Variants in AHCYL2 observed in about 807,000 individuals in gnomAD.
The protein encoded by AHCYL2 is S-adenosylhomocysteine hydrolase-like protein 2.
A neutral mutation model predicts 81.4 loss-of-function variants in AHCYL2; 28 were observed. That is an observed-to-expected ratio of 0.34 (90% confidence interval 0.25 to 0.47). AHCYL2 has a LOEUF of 0.47. Ranked by LOEUF, AHCYL2 falls within the 20% of genes least tolerant of loss-of-function variation. The pLI, the probability that AHCYL2 is intolerant of heterozygous loss-of-function variation, is 1.00. For missense variants in AHCYL2, 551 were observed against 785.1 expected (o/e 0.70, Z 3.56); for synonymous variants, 272 against 290.2 (o/e 0.94, Z 0.64).
chr7:129,337,077 C>A (rs1467645025), intron 1 of AHCYL2, among the ~76,000 whole-genome samples: 1 of 151,976 alleles, frequency 6.6e-6, no homozygotes, highest in Admixed American at 6.6e-5. Context: ...TATTTATATT[C>A]GAATAGCTAG....
intron 1 of AHCYL2, among the ~76,000 whole-genome samples, chr7:129,295,894 C>T (rs1200421941): frequency 2.6e-5 from 4 of 152,190 alleles, no homozygotes; most frequent in East Asian, 1.9e-4. Context: ...ATTAAAGCCA[C>T]TGGTTTAAGT....
intron 1 of AHCYL2, among the ~76,000 whole-genome samples, chr7:129,238,812 G>A (rs1404370831): frequency 6.6e-6 from 1 of 152,162 alleles, no homozygotes; most frequent in Non-Finnish European, 1.5e-5. Flanking sequence ...TTAGTCAGGC[G>A]TGGTGGGGCG....
intron 11 of AHCYL2, chr7:129,410,181 G>T (rs1194433796): frequency 9.3e-6 from 15 of 1,610,898 alleles, no homozygotes; most frequent in Non-Finnish European, 1.3e-5. Flanking sequence ...TAACCAATCC[G>T]ATCATTGATC....
intron 11 of AHCYL2, chr7:129,410,380 A>T: frequency 6.2e-7 from 1 of 1,613,572 alleles, no homozygotes; most frequent in South Asian, 1.1e-5. Flanking sequence ...TACTGAAGTC[A>T]ACACTAAGGG....
At chr7:129,265,976 G>A (rs764952358) in intron 1 of AHCYL2, among the ~76,000 whole-genome samples, 1 of 152,124 alleles carries the variant, frequency 6.6e-6, no homozygotes, top group African/African-American at 2.4e-5. Flanking sequence ...GAAAAGTTTT[G>A]GATGACTTCA....
intron 1 of AHCYL2, among the ~76,000 whole-genome samples, chr7:129,341,986 G>T (rs141471793): frequency 1.3e-5 from 2 of 152,278 alleles, no homozygotes; most frequent in East Asian, 3.9e-4. Context: ...CCACTCAGAA[G>T]AATGGTTTAT....
chr7:129,338,934 T>C (rs1793058830), intron 1 of AHCYL2, among the ~76,000 whole-genome samples: 1 of 152,238 alleles, frequency 6.6e-6, no homozygotes, highest in Admixed American at 6.5e-5. Flanking sequence ...GTGATGGGTC[T>C]CTTTCAAATT....
At chr7:129,361,036 ATG>A (rs1337691304) in intron 1 of AHCYL2, among the ~76,000 whole-genome samples, 1 of 152,220 alleles carries the variant, frequency 6.6e-6, no homozygotes, top group African/African-American at 2.4e-5. Flanking sequence ...GCTATTCAAA[ATG>A]TAGAATTTTG....
At chr7:129,262,815 TTCTC>T (rs1795689008) in intron 1 of AHCYL2, among the ~76,000 whole-genome samples, 1 of 152,186 alleles carries the variant, frequency 6.6e-6, no homozygotes, top group African/African-American at 2.4e-5. Context: ...AGAATTTTAT[TTCTC>T]AGGAGGAACA....
intron 6 of AHCYL2, among the ~76,000 whole-genome samples, chr7:129,401,289 C>G (rs1796018732): frequency 6.6e-6 from 1 of 152,092 alleles, no homozygotes; most frequent in Non-Finnish European, 1.5e-5. Flanking sequence ...GAGATCACAC[C>G]ACTGCAGTCC....
At chr7:129,309,989 A>G (rs1797594498) in intron 1 of AHCYL2, among the ~76,000 whole-genome samples, 1 of 152,054 alleles carries the variant, frequency 6.6e-6, no homozygotes, top group Non-Finnish European at 1.5e-5. Context: ...CTTTCTCATT[A>G]CATGTCTCTG....
In AHCYL2 at chr7:129,368,551, G is replaced by A; in HGVS notation, c.364-11087G>A. On this transcript the variant is annotated intron_variant, in intron 1 of 16. Coordinates refer to ENST00000325006, the MANE Select transcript of AHCYL2 (RefSeq NM_015328.4). This position sits in a 1 kb window ranked among gnomAD's most constrained non-coding sequence, Gnocchi z 4.4. ...CAGCTTTTCACATGCCTGAGTGGAT[G>A]GTGAGTTCACTGGTCGTTTTGTTTC... 2 of 1,613,982 alleles carry A rather than the reference G, an allele frequency of 1.2e-6. No individual in the cohort carries two copies. The highest frequency in any genetic ancestry group is 1.7e-6 in the Non-Finnish European group (2 of 1,179,874).
intron 1 of AHCYL2, among the ~76,000 whole-genome samples, chr7:129,243,781 C>T (rs1184588269): frequency 2.6e-5 from 4 of 151,604 alleles, no homozygotes; most frequent in Admixed American, 6.6e-5. Context: ...GGGGTTTCAC[C>T]GTGTAAGCCA....
intron 1 of AHCYL2, among the ~76,000 whole-genome samples, chr7:129,281,224 G>C (rs1282100142): frequency 6.6e-6 from 1 of 151,964 alleles, no homozygotes; most frequent in African/African-American, 2.4e-5. Context: ...TCACTTGATT[G>C]TGATGTATTC....
At chr7:129,264,656 G>C (rs1387595531) in intron 1 of AHCYL2, among the ~76,000 whole-genome samples, 2 of 152,170 alleles carry the variant, frequency 1.3e-5, no homozygotes, top group Non-Finnish European at 2.9e-5. Flanking sequence ...ATAAGGTCTG[G>C]AGTAACCTTG....
At chr7:129,324,737 A>G (rs535910386) in intron 1 of AHCYL2, among the ~76,000 whole-genome samples, 1 of 151,946 alleles carries the variant, frequency 6.6e-6, no homozygotes, top group South Asian at 2.1e-4. Flanking sequence ...GGATGGTCTC[A>G]ATCTCCTGAC....
chr7:129,290,887 G>C (rs1243614960), intron 1 of AHCYL2, among the ~76,000 whole-genome samples: 1 of 150,662 alleles, frequency 6.6e-6, no homozygotes, highest in Non-Finnish European at 1.5e-5. Flanking sequence ...CCGAGATCAC[G>C]CCACTGCACT....
chr7:129,253,784 ATTC>A, intron 1 of AHCYL2, among the ~76,000 whole-genome samples: 1 of 152,286 alleles, frequency 6.6e-6, no homozygotes, highest in Non-Finnish European at 1.5e-5. Flanking sequence ...GTCAAAAAAT[ATTC>A]TTCTTGAATA....
intron 1 of AHCYL2, among the ~76,000 whole-genome samples, chr7:129,267,006 A>G (rs1422891352): frequency 6.6e-6 from 1 of 152,156 alleles, no homozygotes; most frequent in Admixed American, 6.5e-5. Context: ...GAGACATAGT[A>G]AATTATGATA....
Sources: allele counts gnomAD v4.1 joint callset (sites outside exome capture counted in the v4.1 genomes callset), GRCh38; gene constraint gnomAD v4.1.1; non-coding constraint Gnocchi (gnomAD v3.1); transcripts MANE v1.5; gene names NCBI Gene and HGNC (gene_info 2026-07-23, HGNC 2026-07-21).